CNIH3: variants seen among roughly 807,000 people sequenced by gnomAD.
CNIH3 encodes protein cornichon homolog 3.
CNIH3 carries 14 observed loss-of-function variants against 24.1 expected under a neutral mutation model. The observed-to-expected ratio is 0.58, with a 90% CI of 0.38 to 0.91. CNIH3 has a LOEUF of 0.91. CNIH3 is among the 40% of genes least tolerant of loss of function. CNIH3 has a pLI of 0.00. For missense variants in CNIH3, 178 were observed against 196.8 expected, an observed-to-expected ratio of 0.90 and a Z score of 0.57; for synonymous variants, 68 against 73.8, an observed-to-expected ratio of 0.92 and a Z score of 0.40.
chr1:224,565,673 C>T (rs1009342029), intron 3 of CNIH3: 1 of 152,482 alleles, frequency 6.6e-6, no homozygotes, highest in African/African-American at 2.4e-5. Flanking sequence ...GCAGGAGAGT[C>T]TGAGATTCAC....
intron 1 of CNIH3, among the ~76,000 whole-genome samples, chr1:224,508,938 T>A (rs946879492): frequency 2.0e-5 from 3 of 152,196 alleles, no homozygotes; most frequent in Non-Finnish European, 2.9e-5. Flanking sequence ...GAACTAGGCA[T>A]TTGAGTAAAA....
Position 224,616,977 on chromosome 1 carries a change from T to TG in CNIH3, c.-194dup, listed in dbSNP as rs1683032982. On this transcript the variant is annotated 5_prime_UTR_variant, in exon 1 of 6. The change creates a premature stop within an existing upstream ORF in the 5' untranslated region. Coordinates refer to ENST00000272133, the MANE Select transcript of CNIH3 (RefSeq NM_152495.2). ...CCTGTCTTCGCCGGAGGGCCGGGTCTGGGGTCGCCGGAGCCTGCGGGAATC... is the reference window on the plus strand; with the variant it reads ...CCTGTCTTCGCCGGAGGGCCGGGTCTGGGGGTCGCCGGAGCCTGCGGGAATC... 1 of 1,413,300 alleles carries TG rather than the reference T, an allele frequency of 7.1e-7. No homozygotes were observed. The highest frequency in any genetic ancestry group is 9.2e-7 in the Non-Finnish European group (1 of 1,089,604). 87.5% of individuals were successfully genotyped at this position (1,413,300 alleles called of 1,614,324 possible). A position where few individuals can be genotyped will look rare whatever the true frequency, so the allele number is the denominator to read the frequency against.
rs540736144 is a variant in CNIH3 at position 224,578,300 on chromosome 1, T to G, written n.517-4864T>G. Among the ~76,000 whole-genome samples, 10 of 152,382 alleles carry G rather than the reference T, an allele frequency of 6.6e-5. No homozygotes were observed. The South Asian group carries it at 2.1e-3, about 32-fold the overall frequency. On this transcript the variant is annotated intron_variant and non_coding_transcript_variant, in intron 4 of 5. Transcript: ENST00000471578. Reference sequence around the variant, plus strand: ...TGTACTTACTACTAATTTATTTCCCTAACTTGCTCCCAAGATATAAATCTG... The same window carrying G: ...TGTACTTACTACTAATTTATTTCCCGAACTTGCTCCCAAGATATAAATCTG...
upstream of CNIH3, among the ~76,000 whole-genome samples, chr1:224,614,950 A>G (rs1490692410): frequency 7.0e-6 from 1 of 143,806 alleles, no homozygotes; most frequent in Non-Finnish European, 1.5e-5. Context: ...TAAATAAATA[A>G]ATAAATAAAT....
intron 1 of CNIH3, among the ~76,000 whole-genome samples, chr1:224,654,180 G>A (rs1684992805): frequency 6.6e-6 from 1 of 151,984 alleles, no homozygotes; most frequent in Non-Finnish European, 1.5e-5. Context: ...TCAGGAGTTC[G>A]AGACCAGCCT....
intron 1 of CNIH3, among the ~76,000 whole-genome samples, chr1:224,648,762 C>T (rs1276700464): frequency 1.3e-5 from 2 of 152,092 alleles, no homozygotes; most frequent in African/African-American, 2.4e-5. Context: ...GCACAGTGAC[C>T]CTGCCCATCA....
intron 1 of CNIH3, among the ~76,000 whole-genome samples, chr1:224,495,258 A>G (rs1003480408): frequency 6.6e-6 from 1 of 152,192 alleles, no homozygotes; most frequent in African/African-American, 2.4e-5. Context: ...CTTCTCTCCC[A>G]TGCCAAGGTA....
upstream of CNIH3, among the ~76,000 whole-genome samples, chr1:224,614,971 A>ATAAATAAG (rs1282869532): frequency 1.4e-5 from 2 of 146,738 alleles, no homozygotes; most frequent in African/African-American, 2.6e-5. Flanking sequence ...AAATAAATAA[A>ATAAATAAG]TAAATAAGTA....
chr1:224,539,829 T>G (rs1679443254), downstream of CNIH3, among the ~76,000 whole-genome samples: 2 of 152,228 alleles, frequency 1.3e-5, no homozygotes, highest in South Asian at 4.1e-4. Context: ...TGTATTCTGT[T>G]TCTATATTTT....
chr1:224,623,157 A>G (rs1036283480), intron 1 of CNIH3, among the ~76,000 whole-genome samples: 1 of 151,770 alleles, frequency 6.6e-6, no homozygotes, highest in African/African-American at 2.4e-5. Context: ...CTCTGCAGTG[A>G]GCTCCCTGTT....
chr1:224,672,574 ATGTTCCTCGGCTGATAGCTG>A (rs1157002363), intron 1 of CNIH3, among the ~76,000 whole-genome samples: 2 of 152,108 alleles, frequency 1.3e-5, no homozygotes, highest in Non-Finnish European at 2.9e-5. Flanking sequence ...GTAGCCCTTG[ATGTTCCTCGGCTGATAGCTG>A]TGTCCCTCCA....
At chr1:224,480,179 A>G (rs2103010355) in intron 1 of CNIH3, among the ~76,000 whole-genome samples, 1 of 150,974 alleles carries the variant, frequency 6.6e-6, no homozygotes, top group East Asian at 1.9e-4. Flanking sequence ...TAGGGCTTCC[A>G]CCCTCTGAAG....
chr1:224,737,263 T>A (rs751903805), intron 5 of CNIH3, among the ~76,000 whole-genome samples: 5 of 151,800 alleles, frequency 3.3e-5, no homozygotes, highest in South Asian at 2.1e-4. Flanking sequence ...CTCCTCTCGG[T>A]TAGATGGGTG....
intron 3 of CNIH3, among the ~76,000 whole-genome samples, chr1:224,690,592 G>C (rs948092128): frequency 6.6e-6 from 1 of 152,186 alleles, no homozygotes; most frequent in Non-Finnish European, 1.5e-5. Context: ...GCATAGTTTG[G>C]GATGTCCCTT....
intron 2 of CNIH3, among the ~76,000 whole-genome samples, chr1:224,529,950 C>T (rs951684786): frequency 6.6e-6 from 1 of 152,124 alleles, no homozygotes; most frequent in African/African-American, 2.4e-5. Flanking sequence ...AACATGGACC[C>T]GAAGATCCAT....
At chr1:224,456,678 C>T (rs1162574072) in intron 1 of CNIH3, among the ~76,000 whole-genome samples, 6 of 152,186 alleles carry the variant, frequency 3.9e-5, no homozygotes, top group South Asian at 2.1e-4. Flanking sequence ...CCGAAAGTGC[C>T]GGGATTACAG....
chr1:224,724,935 G>T (rs969571984), intron 3 of CNIH3, among the ~76,000 whole-genome samples: 30 of 152,194 alleles, frequency 2.0e-4, no homozygotes, highest in Non-Finnish European at 2.9e-5. Flanking sequence ...GACCGGCCAG[G>T]CATGGTGGCT....
chr1:224,688,125 G>A (rs902970278), intron 3 of CNIH3, among the ~76,000 whole-genome samples: 23 of 152,180 alleles, frequency 1.5e-4, no homozygotes, highest in African/African-American at 5.3e-4. Flanking sequence ...ATAAGGAGAT[G>A]GGCTATAGGG....
chr1:224,548,316 A>C (rs1679781654), intron 3 of CNIH3, among the ~76,000 whole-genome samples: 1 of 152,036 alleles, frequency 6.6e-6, no homozygotes, highest in Non-Finnish European at 1.5e-5. Context: ...GCAATATCAA[A>C]GGGAGACATT....
Sources: allele counts gnomAD v4.1 joint callset (sites outside exome capture counted in the v4.1 genomes callset), GRCh38; gene constraint gnomAD v4.1.1; transcripts MANE v1.5; gene names NCBI Gene and HGNC (gene_info 2026-07-23, HGNC 2026-07-21).